DST: variants seen among roughly 807,000 people sequenced by gnomAD.
DST encodes dystonin.
In DST, 253 loss-of-function variants were observed where a neutral mutation model predicts 875.2. The ratio of observed to expected loss-of-function variants is 0.29; its 90% CI spans 0.26 to 0.32. The LOEUF is 0.32. Ranked by LOEUF, DST falls within the 10% of genes least tolerant of loss-of-function variation. DST has a pLI of 1.00. For synonymous variants in DST, 3,124 were observed against 3,197.1 expected (o/e 0.98, Z 0.77); for missense variants, 8,287 against 9,111.6 (o/e 0.91, Z 3.68).
intron 86 of DST, 111 bp from the exon 87 acceptor site, chr6:56,487,384 T>A: frequency 2.2e-6 from 2 of 924,920 alleles, no homozygotes; most frequent in Non-Finnish European, 3.0e-6. Flanking sequence ...AGATGCTTTC[T>A]GACTTATAAT....
chr6:56,808,468 T>A (rs909850300), intron 4 of DST, among the ~76,000 whole-genome samples: 1 of 152,198 alleles, frequency 6.6e-6, no homozygotes, highest in Non-Finnish European at 1.5e-5. Flanking sequence ...GTAAAATTCA[T>A]GTTTTCCATT....
chr6:56,485,161 G>T, intron 88 of DST, 151 bp downstream of exon 88: 2 of 802,272 alleles, frequency 2.5e-6, no homozygotes, highest in Non-Finnish European at 3.8e-6. Flanking sequence ...TCCAGGTTCT[G>T]CTCAAACGGA....
rs371966412 is a variant in DST at position 56,606,831 on chromosome 6, C to G, written c.7797G>C (p.Gln2599His). Residue 2599 changes from glutamine (Q) to histidine (H), a missense_variant, in exon 40 of 104, where the codon CAG becomes CAC. By Grantham distance (24) the Gln-to-His change is conservative. Coordinates refer to ENST00000680361, the MANE Select transcript of DST (RefSeq NM_001374736.1). ...TATCAGTGTCTGTTCCTGTGTTATT[C>G]TGCTGATCATTCAGCAGTGACGTTT... ...DYETSLLNDQ[Q>H]NNTGTDTDSD... 1.9e-5 allele frequency: 30 copies of G among 1,613,132 alleles called. No individual in the cohort carries two copies. The highest frequency in any genetic ancestry group is 2.5e-5 in the Non-Finnish European group (30 of 1,179,582).
chr6:56,702,570 A>G, intron 7 of DST, among the ~76,000 whole-genome samples: 1 of 152,186 alleles, frequency 6.6e-6, no homozygotes, highest in East Asian at 1.9e-4. Flanking sequence ...GCTTTTTCAC[A>G]AAAGTGGACA....
chr6:56,682,264 C>A (rs2099160554), intron 9 of DST, among the ~76,000 whole-genome samples: 1 of 152,104 alleles, frequency 6.6e-6, no homozygotes, highest in South Asian at 2.1e-4. Context: ...TGTTGATCCC[C>A]CAGGCTCAAG....
intron 36 of DST, chr6:56,620,557 T>C: frequency 6.2e-7 from 1 of 1,614,092 alleles, no homozygotes; most frequent in Non-Finnish European, 8.5e-7. Context: ...TCGGAAGTTC[T>C]TCCTCTACTC....
chr6:56,905,241 GGTGT>G (rs1188738499), intron 2 of DST, among the ~76,000 whole-genome samples: 3 of 152,148 alleles, frequency 2.0e-5, no homozygotes, highest in East Asian at 1.9e-4. Context: ...GTGTTTGTGT[GGTGT>G]GTATGTGCAT....
intron 36 of DST, chr6:56,614,897 C>G: frequency 1.0e-6 from 1 of 992,058 alleles, no homozygotes; most frequent in Non-Finnish European, 1.2e-6. Context: ...GGAAAATACA[C>G]AGAATGAAGA....
At chr6:56,618,406 A>G in intron 36 of DST, 1 of 1,614,192 alleles carries the variant, frequency 6.2e-7, no homozygotes, top group Non-Finnish European at 8.5e-7. Context: ...GTTTGAAGGT[A>G]CAGTCTTTGG....
chr6:56,483,332 C>T (rs2095458584), intron 88 of DST, among the ~76,000 whole-genome samples: 1 of 152,102 alleles, frequency 6.6e-6, no homozygotes, highest in South Asian at 2.1e-4. Flanking sequence ...TAACAGAGGA[C>T]TAAGCAATCT....
In DST at chr6:56,492,936, T is replaced by C. The variant is rs371940285; in HGVS notation, c.20548A>G (p.Lys6850Glu). 104 of 1,604,090 alleles carry C rather than the reference T, an allele frequency of 6.5e-5. 1 individual carries two copies. The highest frequency in any genetic ancestry group is 3.3e-4 in the Middle Eastern group (2 of 6,034). ...DTVLFQIDEH[K>E]VFANEVNSHR... is the part of the protein sequence containing the mutation. The stretch of plus-strand genomic sequence containing the variant: ...TATCTATTTGACTCACTACATACCT[T>C]GTGTTCGTCAATTTGAAATAAGACT... Residue 6850 changes from lysine (K) to glutamate (E), a missense_variant and splice_region_variant, in exon 84 of 104, where the codon AAG (lysine) becomes GAG (glutamate). Lys to Glu is a moderately conservative substitution (Grantham distance 56). Around this residue, in one of 10 missense-constraint regions of DST, gnomAD observed 1,292 missense variants for 1,552.7 expected, o/e 0.83. Transcript: ENST00000680361.
intron 4 of DST, among the ~76,000 whole-genome samples, chr6:56,790,846 G>A (rs748676822): frequency 1.2e-4 from 19 of 152,290 alleles, no homozygotes; most frequent in African/African-American, 2.4e-4. Context: ...AAAGCTTTCC[G>A]TTGTTTTGAA....
rs545307863 is a variant in DST at position 56,871,792 on chromosome 6, A to G, written c.418-20188T>C. The G allele has an allele frequency of 1.9e-4, 63 of 336,968 alleles. 1 individual carries two copies. The highest frequency in any genetic ancestry group is 1.0e-3 in the Middle Eastern group (1 of 974). The allele number at this position is 336,968 out of a possible 1,614,324, so 20.9% of individuals were successfully genotyped here. A position where few individuals can be genotyped will look rare whatever the true frequency, so the allele number is the denominator to read the frequency against. On this transcript the variant is annotated intron_variant, in intron 3 of 103. Transcript: ENST00000680361. ...AATTAAAAGTAAAAAAAAAAAAAAA[A>G]AAAGAAAAAGAAAAGAGGTGTGGCA...
intron 36 of DST, chr6:56,616,256 T>A: frequency 6.2e-7 from 1 of 1,614,136 alleles, no homozygotes; most frequent in Non-Finnish European, 8.5e-7. Context: ...TATAGCCTCA[T>A]TAATATTGAA....
intron 4 of DST, among the ~76,000 whole-genome samples, chr6:56,790,887 C>T (rs1214193347): frequency 2.0e-5 from 3 of 152,152 alleles, no homozygotes; most frequent in Non-Finnish European, 2.9e-5. Flanking sequence ...CACACTTTGG[C>T]CAACAAGACC....
At chr6:56,872,832 C>CCCGCT (rs5876523) in intron 3 of DST, among the ~76,000 whole-genome samples, 14,092 of 127,660 alleles carry the variant, frequency 0.11, 1,112 homozygotes, top group Middle Eastern at 0.19. Context: ...TCCCCCCCCC[C>CCCGCT]TTTTTTTTTT....
chr6:56,553,658 A>G lies in DST; in HGVS notation c.15137-3T>C, dbSNP rs766017551. ...CTGAAGGTGCTGGACATGATTCTCT[A>G]GAAATAAAATTACAAGATATGTTTA... On this transcript the variant is annotated splice_region_variant and splice_polypyrimidine_tract_variant and intron_variant, in intron 60 of 103. Coordinates refer to ENST00000680361, the MANE Select transcript of DST (RefSeq NM_001374736.1). The G allele has an allele frequency of 6.2e-7, 1 of 1,606,052 alleles. No individual in the cohort carries two copies. The highest frequency in any genetic ancestry group is 8.5e-7 in the Non-Finnish European group (1 of 1,177,822).
At chr6:56,658,175 G>T (rs2099020222) in intron 10 of DST, among the ~76,000 whole-genome samples, 1 of 152,120 alleles carries the variant, frequency 6.6e-6, no homozygotes, top group Non-Finnish European at 1.5e-5. Context: ...CGATCCTCCT[G>T]CCTCAGCCCA....
At chr6:56,772,318 T>C (rs2099668260) in intron 4 of DST, among the ~76,000 whole-genome samples, 1 of 152,218 alleles carries the variant, frequency 6.6e-6, no homozygotes, top group Non-Finnish European at 1.5e-5. Flanking sequence ...ACATGTTACT[T>C]ATTAGCTGAA....
Sources: allele counts gnomAD v4.1 joint callset (sites outside exome capture counted in the v4.1 genomes callset), GRCh38; gene constraint gnomAD v4.1.1; regional missense constraint gnomAD v4.1.1; transcripts MANE v1.5; gene names NCBI Gene and HGNC (gene_info 2026-07-23, HGNC 2026-07-21).